The following CTXND2 variants were observed in gnomAD, a reference collection of about 807,000 sequenced individuals.
CTXND2 encodes the protein cortexin domain containing 2.
chr1:150,903,863 A>G, intron 1 of CTXND2: 1 of 560,522 alleles, frequency 1.8e-6, no homozygotes, highest in Non-Finnish European at 3.4e-6. Flanking sequence ...GTGGTAACCT[A>G]CGTTGCACCA....
At chr1:150,899,946 C>CACCAATCAGCACTCTGTAAAAACGG (rs1668971780) in intron 1 of CTXND2, among the ~76,000 whole-genome samples, 4 of 152,226 alleles carry the variant, frequency 2.6e-5, no homozygotes, top group East Asian at 3.9e-4. Context: ...TCTGTAAACG[C>CACCAATCAGCACTCTGTAAAAACGG]ACCAATCAGC....
intron 1 of CTXND2, among the ~76,000 whole-genome samples, chr1:150,895,883 C>T (rs1333202272): frequency 3.9e-5 from 6 of 152,132 alleles, no homozygotes; most frequent in South Asian, 2.1e-4. Flanking sequence ...CAGCAGTGCT[C>T]GGCAACAGCA....
At chr1:150,895,026 G>A (rs587676408) in intron 1 of CTXND2, among the ~76,000 whole-genome samples, 494 of 151,382 alleles carry the variant, frequency 3.3e-3, no homozygotes, top group African/African-American at 0.011. Flanking sequence ...GTGAGACTCC[G>A]TCCCCCTCAA....
At chr1:150,898,997 C>T (rs1221446874) in intron 1 of CTXND2, among the ~76,000 whole-genome samples, 1 of 149,786 alleles carries the variant, frequency 6.7e-6, no homozygotes, top group Admixed American at 6.7e-5. Context: ...ACTTGGGGGG[C>T]TGAGGCAGGA....
At chr1:150,911,860 T>G (rs1057470662) in intron 1 of CTXND2, among the ~76,000 whole-genome samples, 5 of 152,218 alleles carry the variant, frequency 3.3e-5, no homozygotes, top group Admixed American at 1.3e-4. Context: ...TCATAGCCAG[T>G]GAGTTATACA....
At chr1:150,909,194 C>T (rs1443793245) in intron 1 of CTXND2, among the ~76,000 whole-genome samples, 7 of 148,504 alleles carry the variant, frequency 4.7e-5, no homozygotes, top group South Asian at 2.2e-4. Flanking sequence ...GCCGAGATCA[C>T]GCCATTGCCC....
chr1:150,898,807 G>A (rs1342309686), intron 1 of CTXND2, among the ~76,000 whole-genome samples: 2 of 149,714 alleles, frequency 1.3e-5, no homozygotes, highest in Non-Finnish European at 3.0e-5. Context: ...CCCGGGCACG[G>A]TGGCTCACGC....
intron 1 of CTXND2, among the ~76,000 whole-genome samples, chr1:150,899,327 T>A (rs985670443): frequency 6.6e-6 from 1 of 151,782 alleles, no homozygotes. Context: ...CCTAGCTACT[T>A]GGGAAGCTGA....
intron 1 of CTXND2, among the ~76,000 whole-genome samples, chr1:150,897,598 A>G (rs1299708630): frequency 2.6e-5 from 4 of 152,228 alleles, no homozygotes; most frequent in Middle Eastern, 3.2e-3. Context: ...CTGGGATTAC[A>G]GGCATGAGCC....
At chr1:150,909,097 G>T (rs1669202937) in intron 1 of CTXND2, among the ~76,000 whole-genome samples, 1 of 151,512 alleles carries the variant, frequency 6.6e-6, no homozygotes, top group Non-Finnish European at 1.5e-5. Flanking sequence ...AACGTAGCCG[G>T]GCATGGTGGG....
intron 1 of CTXND2, among the ~76,000 whole-genome samples, chr1:150,898,582 C>T (rs1019306352): frequency 6.6e-6 from 1 of 151,498 alleles, no homozygotes; most frequent in South Asian, 2.1e-4. Flanking sequence ...ATGGCAAAAC[C>T]CTGTCTCTAC....
chr1:150,909,504 C>T (rs1332646465), intron 1 of CTXND2, among the ~76,000 whole-genome samples: 1 of 152,008 alleles, frequency 6.6e-6, no homozygotes, highest in Non-Finnish European at 1.5e-5. Context: ...CTGCAGTGAC[C>T]CCAGACGGCA....
chr1:150,901,784 G>C (rs936140331), intron 1 of CTXND2, among the ~76,000 whole-genome samples: 2 of 151,982 alleles, frequency 1.3e-5, no homozygotes, highest in Non-Finnish European at 2.9e-5. Flanking sequence ...TGGGCATGGT[G>C]GCGGGCACCT....
chr1:150,904,087 G>T, intron 1 of CTXND2: 1 of 663,868 alleles, frequency 1.5e-6, no homozygotes, highest in Non-Finnish European at 2.8e-6. Flanking sequence ...GAGAGGATAC[G>T]CTGATGGAGT....
intron 1 of CTXND2, among the ~76,000 whole-genome samples, chr1:150,904,606 C>T (rs1230999847): frequency 1.3e-5 from 2 of 152,068 alleles, no homozygotes; most frequent in African/African-American, 4.8e-5. Context: ...GTCTCAGAAC[C>T]AAGCAAGATT....
chr1:150,912,853 G>C (rs978446552), exon 2 of CTXND2: 1 of 161,922 alleles, frequency 6.2e-6, no homozygotes, highest in Non-Finnish European at 1.3e-5. Flanking sequence ...TTATGCAAAT[G>C]TAGGCTCAGC....
chr1:150,906,116 T>C (rs1199574957), intron 1 of CTXND2, among the ~76,000 whole-genome samples: 1 of 151,596 alleles, frequency 6.6e-6, no homozygotes, highest in Non-Finnish European at 1.5e-5. Context: ...CTGGGCATCA[T>C]AGTAAGGCCT....
At chr1:150,898,232 C>T (rs951097234) in intron 1 of CTXND2, among the ~76,000 whole-genome samples, 6 of 151,506 alleles carry the variant, frequency 4.0e-5, no homozygotes, top group Non-Finnish European at 7.4e-5. Context: ...CTCAGAAATT[C>T]CCCCATTAAG....
chr1:150,900,383 T>A (rs1444764704), intron 1 of CTXND2, among the ~76,000 whole-genome samples: 1 of 152,144 alleles, frequency 6.6e-6, no homozygotes, highest in East Asian at 1.9e-4. Context: ...CAGACGCATC[T>A]GAACACTGGA....
Sources: gnomAD v4.1 joint callset for allele counts (sites outside exome capture counted in the v4.1 genomes callset) on GRCh38, gnomAD v4.1.1 for gene constraint, MANE v1.5 for transcripts, NCBI Gene and HGNC (gene_info 2026-07-23, HGNC 2026-07-21) for gene names.